Variants in KCNC1 observed in about 807,000 individuals in gnomAD.
KCNC1 encodes the protein potassium voltage-gated channel subfamily C member 1.
KCNC1 carries 8 observed loss-of-function variants against 43.4 expected under a neutral mutation model. The ratio of observed to expected loss-of-function variants is 0.18; its 90% CI spans 0.11 to 0.33. The LOEUF (loss-of-function observed/expected upper bound fraction) is 0.33, where lower values mean the gene tolerates loss of function less well. KCNC1 is among the 10% of genes least tolerant of loss of function. The probability of loss-of-function intolerance (pLI) is 1.00; values close to 1 mark genes in which losing one functional copy is unlikely to be tolerated. For synonymous variants in KCNC1, 361 were observed against 360.5 expected (o/e 1.00, Z -0.01); for missense variants, 420 against 836.0 (o/e 0.50, Z 6.14).
chr11:17,743,993 G>C (rs1319112982), intron 1 of KCNC1, among the ~76,000 whole-genome samples: 2 of 152,110 alleles, frequency 1.3e-5, no homozygotes, highest in East Asian at 3.9e-4. Context: ...CTGGGGACAG[G>C]CGGGCCCTCA....
rs75276177 is a variant in KCNC1, at chr11:17,777,897, C to A, written c.1505-1559C>A. On this transcript the variant is annotated intron_variant, in intron 2 of 3. Transcript: ENST00000265969. The surrounding 1 kb of genome is among the most constrained non-coding windows in gnomAD (Gnocchi z 4.3). ...TAATCCCACCCACGTGCACGCCCAG[C>A]GTGTGCACGTGGGGAAGGATCACTT... 4 of 948,838 alleles carry A rather than the reference C, an allele frequency of 4.2e-6. No homozygotes were observed. In the Admixed American group the frequency reaches 2.5e-4, roughly 59 times the overall value. The allele number at this position is 948,838 out of a possible 1,614,324, so 58.8% of individuals were successfully genotyped here.
intron 2 of KCNC1, chr11:17,775,932 A>T (rs1169875371): frequency 5.1e-6 from 5 of 985,184 alleles, no homozygotes; most frequent in Non-Finnish European, 6.0e-6. Context: ...CAGCCCCTCT[A>T]CTTCCCCTGC....
chr11:17,773,143 T>A lies in KCNC1; in HGVS notation c.1504+545T>A. ...TCACCCCCGGCAGAGCCTGTCTCCA[T>A]AGCTGAGTAGAATTCCTGCCCTGAT... On this transcript the variant is annotated intron_variant, in intron 2 of 3. Coordinates refer to ENST00000265969, the MANE Select transcript of KCNC1 (RefSeq NM_001112741.2). The surrounding 1 kb of genome is among the most constrained non-coding windows in gnomAD (Gnocchi z 4.1). The A allele has an allele frequency of 1.2e-5, 12 of 988,380 alleles. No homozygotes were observed. Among genetic ancestry groups the A allele is most frequent in the Non-Finnish European group, 1.4e-5 (12 of 832,040 alleles). The allele number at this position is 988,380 out of a possible 1,614,324, so 61.2% of individuals were successfully genotyped here.
intron 1 of KCNC1, among the ~76,000 whole-genome samples, chr11:17,757,422 C>A (rs572799106): frequency 7.9e-5 from 12 of 152,244 alleles, no homozygotes; most frequent in African/African-American, 2.4e-4. Flanking sequence ...AGAGGGCAGA[C>A]CTGTGATTGC....
Position 17,773,487 on chromosome 11 carries a change from G to T in KCNC1, c.1504+889G>T. 1 of 984,714 alleles carries T rather than the reference G, an allele frequency of 1.0e-6. No homozygotes were observed. Among genetic ancestry groups the T allele is most frequent in the Non-Finnish European group, 1.2e-6 (1 of 829,860 alleles). The allele number at this position is 984,714 out of a possible 1,614,324, so 61.0% of individuals were successfully genotyped here. On this transcript the variant is annotated intron_variant, in intron 2 of 3. Coordinates refer to ENST00000265969, the MANE Select transcript of KCNC1 (RefSeq NM_001112741.2). This position sits in a 1 kb window ranked among gnomAD's most constrained non-coding sequence, Gnocchi z 4.1. ...ACCGAGGGTTCTCCCCGTTTCCAGC[G>T]GTAGGGACTGCAGCAGCAATATAGA...
Position 17,781,842 on chromosome 11 carries a change from C to T in KCNC1, c.*108C>T, listed in dbSNP as rs1849349383. ...ATTCACGCCATGCAGGTTTGCCGGACGAGTCCGAGTGGCCCAGGCATTGTA... is the reference window on the plus strand; with the variant it reads ...ATTCACGCCATGCAGGTTTGCCGGATGAGTCCGAGTGGCCCAGGCATTGTA... On this transcript the variant is annotated 3_prime_UTR_variant, in exon 4 of 4. Transcript: ENST00000265969. The surrounding 1 kb of genome is among the most constrained non-coding windows in gnomAD (Gnocchi z 5.1). 5 of 749,546 alleles carry T rather than the reference C, an allele frequency of 6.7e-6. No homozygotes were observed. Among genetic ancestry groups the T allele is most frequent in the East Asian group, 2.7e-5 (1 of 36,766 alleles). The allele number at this position is 749,546 out of a possible 1,614,324, so 46.4% of individuals were successfully genotyped here.
chr11:17,738,750 A>C (rs968397483), intron 1 of KCNC1, among the ~76,000 whole-genome samples: 9 of 152,178 alleles, frequency 5.9e-5, no homozygotes, highest in African/African-American at 1.2e-4. Flanking sequence ...AAAATCTCTG[A>C]AGTGAATGCT....
intron 1 of KCNC1, among the ~76,000 whole-genome samples, chr11:17,756,611 C>G (rs1849025907): frequency 6.6e-6 from 1 of 151,860 alleles, no homozygotes; most frequent in Non-Finnish European, 1.5e-5. Context: ...CACAAGTGGG[C>G]ACAGGAGGGA....
At chr11:17,775,238 C>T (rs1304254284) in intron 2 of KCNC1, 1 of 985,660 alleles carries the variant, frequency 1.0e-6, no homozygotes, top group Non-Finnish European at 1.2e-6. Flanking sequence ...ACTTTTAAAA[C>T]CAGAGTTAGG....
intron 2 of KCNC1, chr11:17,775,486 T>C: frequency 2.0e-6 from 2 of 985,528 alleles, no homozygotes; most frequent in Non-Finnish European, 2.4e-6. Flanking sequence ...CACCTGGTTG[T>C]AGGACCTCTT....
intron 1 of KCNC1, among the ~76,000 whole-genome samples, chr11:17,760,655 GC>G (rs1849067351): frequency 1.3e-5 from 2 of 152,180 alleles, no homozygotes; most frequent in Admixed American, 6.5e-5. Flanking sequence ...GCCAGATCCG[GC>G]TACAAGGGCA....
chr11:17,760,375 G>A (rs989284656), intron 1 of KCNC1, among the ~76,000 whole-genome samples: 2 of 152,180 alleles, frequency 1.3e-5, no homozygotes, highest in African/African-American at 4.8e-5. Flanking sequence ...GTGGGATCCT[G>A]GTATTGCTCC....
At chr11:17,770,329 C>G (rs1849210522) in intron 1 of KCNC1, among the ~76,000 whole-genome samples, 1 of 152,230 alleles carries the variant, frequency 6.6e-6, no homozygotes, top group Non-Finnish European at 1.5e-5. Context: ...TTGGCCATGG[C>G]TAGGCAGGGA....
At chr11:17,754,326 G>A (rs1209984378) in intron 1 of KCNC1, among the ~76,000 whole-genome samples, 2 of 152,206 alleles carry the variant, frequency 1.3e-5, no homozygotes, top group South Asian at 2.1e-4. Flanking sequence ...ACAGATTGGT[G>A]TATGGAGATT....
intron 2 of KCNC1, among the ~76,000 whole-genome samples, chr11:17,778,797 G>A (rs954106256): frequency 2.7e-5 from 4 of 147,840 alleles, no homozygotes; most frequent in African/African-American, 9.9e-5. Context: ...GGGGAACAGG[G>A]CATACAGAGT....
chr11:17,748,807 C>CCTGCGTGGAGGGGGCTCCTGCTT (rs1237587799), intron 1 of KCNC1, among the ~76,000 whole-genome samples: 105 of 152,234 alleles, frequency 6.9e-4, no homozygotes, highest in African/African-American at 2.4e-3. Flanking sequence ...ACAGGGTGGG[C>CCTGCGTGGAGGGGGCTCCTGCTT]CTGCGTGGAG....
rs770956856 is a variant in KCNC1 at position 17,736,511 on chromosome 11, G to A, written c.509G>A (p.Arg170His). The change falls in exon 1 of 4, where the codon CGC becomes CAC. Residue 170 changes from arginine (R) to histidine (H), a missense_variant. By Grantham distance (29) the Arg-to-His change is conservative. Around this residue, in one of 5 missense-constraint regions of KCNC1, gnomAD observed 151 missense variants for 216.7 expected, o/e 0.70. Coordinates refer to ENST00000265969, the MANE Select transcript of KCNC1 (RefSeq NM_001112741.2). This position sits in a 1 kb window ranked among gnomAD's most constrained non-coding sequence, Gnocchi z 9.3. ...GATGGCCGGCCTGGCGGCTTTTGGC[G>A]CCGCTGGCAGCCGCGCATCTGGGCG... ...SPDGRPGGFW[R>H]RWQPRIWALF... 12 of 1,585,252 alleles carry A rather than the reference G, an allele frequency of 7.6e-6. No homozygotes were observed. The South Asian group carries it at 1.0e-4, about 13-fold the overall frequency.
chr11:17,760,843 A>G (rs758751250), intron 1 of KCNC1, among the ~76,000 whole-genome samples: 8 of 152,332 alleles, frequency 5.3e-5, no homozygotes, highest in Non-Finnish European at 1.2e-4. Context: ...GTGACATGAT[A>G]ACACCGCACT....
Position 17,771,695 on chromosome 11 carries a change from C to T in KCNC1, c.601C>T (p.Leu201=). Residue 201 remains leucine, a synonymous_variant, in exon 2 of 4, where the codon CTG becomes TTG. Transcript: ENST00000265969. The surrounding 1 kb of genome is among the most constrained non-coding windows in gnomAD (Gnocchi z 4.7). ...YVAFASLFFI[L]VSITTFCLET... ...GGCCTTCGCTTCCCTCTTCTTCATC[C>T]TGGTCTCCATCACCACCTTCTGCCT... 1 of 1,611,230 alleles carries T rather than the reference C, an allele frequency of 6.2e-7. No homozygotes were observed.
Sources: gnomAD v4.1 joint callset for allele counts (sites outside exome capture counted in the v4.1 genomes callset) on GRCh38, gnomAD v4.1.1 for gene constraint, gnomAD v4.1.1 regional missense constraint, Gnocchi (gnomAD v3.1) non-coding constraint, MANE v1.5 for transcripts, NCBI Gene and HGNC (gene_info 2026-07-23, HGNC 2026-07-21) for gene names.